The following ERICH6B variants were observed in gnomAD, a reference collection of about 807,000 sequenced individuals.
ERICH6B encodes the protein glutamate rich 6B, also known as glutamate-rich protein 6B.
Under a neutral mutation model 80.0 loss-of-function variants are expected in ERICH6B, and 69 were observed. The ratio of observed to expected loss-of-function variants is 0.86; its 90% CI spans 0.71 to 1.05. The LOEUF (loss-of-function observed/expected upper bound fraction) is 1.05. Ranked by LOEUF, ERICH6B falls within the 50% of genes least tolerant of loss-of-function variation. ERICH6B has a pLI of 0.00. For synonymous variants in ERICH6B, 283 were observed against 291.9 expected (o/e 0.97, Z 0.31); for missense variants, 754 against 796.1 (o/e 0.95, Z 0.64).
intron 3 of ERICH6B, among the ~76,000 whole-genome samples, chr13:45,592,105 C>A (rs1298750319): frequency 6.6e-6 from 1 of 152,190 alleles, no homozygotes; most frequent in Non-Finnish European, 1.5e-5. Flanking sequence ...TGCCCTCTTT[C>A]TAGCTCCAAG....
chr13:45,545,620 A>G (rs1267060156), intron 13 of ERICH6B, among the ~76,000 whole-genome samples: 1 of 152,196 alleles, frequency 6.6e-6, no homozygotes, highest in African/African-American at 2.4e-5. Context: ...TTATTTTACA[A>G]AAGAGAATAG....
chr13:45,558,776 T>C (rs559202240), intron 11 of ERICH6B, among the ~76,000 whole-genome samples: 30 of 152,348 alleles, frequency 2.0e-4, no homozygotes, highest in African/African-American at 6.7e-4. Context: ...ATCCCTGGTA[T>C]GAAACCCACT....
chr13:45,606,547 A>ATTTTTTTTT lies in ERICH6B; in HGVS notation c.-59+1008_-59+1016dup, dbSNP rs71074722. On this transcript the variant is annotated intron_variant, in intron 2 of 14. Transcript: ENST00000298738. ...TATATATATATATATATATATATAT[A>ATTTTTTTTT]TTTTTTTTTTTTTTTTTTTTTTTGG... Among the ~76,000 whole-genome samples, 22 of 16,586 alleles carry ATTTTTTTTT rather than the reference A, an allele frequency of 1.3e-3. 1 individual carries two copies. Among genetic ancestry groups the ATTTTTTTTT allele is most frequent in the Non-Finnish European group, 2.1e-3 (18 of 8,710 alleles). 10.9% of individuals were successfully genotyped at this position (16,586 alleles called of 152,430 possible).
At chr13:45,554,497 C>A (rs1425744065) in intron 11 of ERICH6B, among the ~76,000 whole-genome samples, 1 of 152,164 alleles carries the variant, frequency 6.6e-6, no homozygotes, top group African/African-American at 2.4e-5. Context: ...TTTTCAAAAG[C>A]CACCCAAAAG....
intron 11 of ERICH6B, among the ~76,000 whole-genome samples, chr13:45,557,509 C>A (rs2137970977): frequency 6.6e-6 from 1 of 152,256 alleles, no homozygotes; most frequent in African/African-American, 2.4e-5. Context: ...CTTGCCTAAG[C>A]CAATGTCTAG....
chr13:45,596,422 T>C lies in ERICH6B; in HGVS notation c.584A>G (p.Glu195Gly), dbSNP rs866565898. ...TTTTCCATCCAGATTCTCTTCCTTC[T>C]CCAGAGCTTCTTCCTCCTCCAGATT... Reference protein sequence around the residue: ...EENLEEEEALEKEENLDGKEN... With the variant: ...EENLEEEEALGKEENLDGKEN... The change falls in exon 3 of 15, where the codon GAG (glutamate) becomes GGG (glycine). Residue 195 changes from glutamate to glycine, a missense_variant. Coordinates refer to ENST00000298738, the MANE Select transcript of ERICH6B (RefSeq NM_182542.3). The C allele has an allele frequency of 5.8e-6, 9 of 1,551,982 alleles. No homozygotes were observed. Among genetic ancestry groups the C allele is most frequent in the Non-Finnish European group, 7.8e-6 (9 of 1,147,070 alleles).
chr13:45,590,530 A>T, intron 4 of ERICH6B, 119 bp downstream of exon 4: 1 of 934,436 alleles, frequency 1.1e-6, no homozygotes, highest in Non-Finnish European at 1.6e-6. Context: ...AACCCCCACT[A>T]AACTCCTTCT....
At chr13:45,548,607 G>A (rs958988572) in intron 13 of ERICH6B, among the ~76,000 whole-genome samples, 1 of 152,174 alleles carries the variant, frequency 6.6e-6, no homozygotes, top group South Asian at 2.1e-4. Context: ...GGGACCGTCT[G>A]TTTCTCATCC....
At chr13:45,605,841 G>A (rs1342029707) in intron 2 of ERICH6B, among the ~76,000 whole-genome samples, 3 of 152,144 alleles carry the variant, frequency 2.0e-5, no homozygotes, top group African/African-American at 7.2e-5. Context: ...GCCTAGAACA[G>A]AAAAAGGTAT....
chr13:45,603,994 C>G (rs549113129), intron 2 of ERICH6B, among the ~76,000 whole-genome samples: 1 of 152,216 alleles, frequency 6.6e-6, no homozygotes, highest in African/African-American at 2.4e-5. Flanking sequence ...TCCTTCCACC[C>G]TTCTGTGGAT....
chr13:45,562,276 G>A (rs1396907683), intron 10 of ERICH6B, among the ~76,000 whole-genome samples: 1 of 152,164 alleles, frequency 6.6e-6, no homozygotes, highest in Non-Finnish European at 1.5e-5. Context: ...GGCCTGAAAG[G>A]ATTATCCCGT....
intron 14 of ERICH6B, among the ~76,000 whole-genome samples, chr13:45,544,182 C>T (rs1873898556): frequency 6.6e-6 from 1 of 152,214 alleles, no homozygotes; most frequent in Non-Finnish European, 1.5e-5. Context: ...AAACAATTCT[C>T]CTACCTCAGT....
intron 9 of ERICH6B, among the ~76,000 whole-genome samples, chr13:45,567,451 T>C (rs1874966353): frequency 6.6e-6 from 1 of 152,156 alleles, no homozygotes; most frequent in African/African-American, 2.4e-5. Flanking sequence ...TGGGAGGTAA[T>C]TGAATCATGG....
Position 45,550,257 on chromosome 13 carries a change from G to C in ERICH6B, c.1467C>G (p.Leu489=). The part of the protein sequence containing the change: ...LYPNKNVYQI[L]FPDGTGQIHY... ...GTATCTGGCCTGTCCCATCAGGAAA[G>C]AGAATTTGATAGACATTCTTGTTGG... The change falls in exon 12 of 15, where the codon CTC becomes CTG. Residue 489 remains leucine (L), a synonymous_variant. Coordinates refer to ENST00000298738, the MANE Select transcript of ERICH6B (RefSeq NM_182542.3). 3.2e-6 allele frequency: 5 copies of C among 1,551,614 alleles called. No individual in the cohort carries two copies. The highest frequency in any genetic ancestry group is 4.4e-6 in the Non-Finnish European group (5 of 1,146,924).
intron 9 of ERICH6B, 120 bp from the exon 10 acceptor site, chr13:45,563,908 A>G (rs1019096796): frequency 1.3e-6 from 1 of 786,594 alleles, no homozygotes; most frequent in Non-Finnish European, 2.1e-6. Context: ...AAATGGGGCC[A>G]ATGGCTTTGC....
chr13:45,606,530 TATATATATATA>T (rs1949864373), intron 2 of ERICH6B, among the ~76,000 whole-genome samples: 11 of 34,478 alleles, frequency 3.2e-4, no homozygotes, highest in African/African-American at 1.0e-3. Context: ...TATATATATA[TATATATATATA>T]TATATATTTT....
In ERICH6B at chr13:45,590,690, C is replaced by T. The variant is rs971703304; in HGVS notation, c.645G>A (p.Lys215=). The T allele has an allele frequency of 1.3e-6, 2 of 1,550,770 alleles. No individual in the cohort carries two copies. The highest frequency in any genetic ancestry group is 1.4e-5 in the African/African-American group (1 of 72,962). ...GCATGGTTTGTGATGAATAACTTGC[C>T]TTGGGTTCTATTGGAAAAAAGAATA... ...NLYKKYLKEP[K]ASYSSQTMLL... Residue 215 remains lysine (K), a synonymous_variant, in exon 4 of 15, where the codon AAG becomes AAA. Transcript: ENST00000298738.
intron 2 of ERICH6B, among the ~76,000 whole-genome samples, chr13:45,604,309 C>A (rs910795298): frequency 7.9e-5 from 12 of 152,230 alleles, no homozygotes; most frequent in Admixed American, 4.6e-4. Flanking sequence ...CCAGTTCCTC[C>A]CAGCTTAGTC....
At chr13:45,570,445 T>A (rs1875105510) in intron 8 of ERICH6B, among the ~76,000 whole-genome samples, 1 of 151,856 alleles carries the variant, frequency 6.6e-6, no homozygotes, top group African/African-American at 2.4e-5. Context: ...AAGAAAAAAA[T>A]GAAACAAACG....
Sources: allele counts gnomAD v4.1 joint callset (sites outside exome capture counted in the v4.1 genomes callset), GRCh38; gene constraint gnomAD v4.1.1; transcripts MANE v1.5; gene names NCBI Gene and HGNC (gene_info 2026-07-23, HGNC 2026-07-21).